PTER: variants seen among roughly 807,000 people sequenced by gnomAD.
PTER encodes N-acetyltaurine hydrolase.
A neutral mutation model predicts 29.6 loss-of-function variants in PTER; 38 were observed. The observed-to-expected ratio is 1.28, with a 90% CI of 0.99 to 1.68. The LOEUF (loss-of-function observed/expected upper bound fraction) is 1.68, where lower values mean the gene tolerates loss of function less well. PTER is among the 40% of genes most tolerant of loss of function. The pLI, the probability that PTER is intolerant of heterozygous loss-of-function variation, is 0.00. For synonymous variants in PTER, 172 were observed against 154.5 expected, an observed-to-expected ratio of 1.11 and a Z score of -0.84; for missense variants, 482 against 427.8, an observed-to-expected ratio of 1.13 and a Z score of -1.12.
chr10:16,447,314 A>G (rs1206930123), intron 1 of PTER, among the ~76,000 whole-genome samples: 1 of 151,504 alleles, frequency 6.6e-6, no homozygotes, highest in Non-Finnish European at 1.5e-5. Context: ...GCTCAGGTCA[A>G]TGTCTTGAAC....
rs11308230 is a variant in PTER, at chr10:16,466,300, CTT to C, written c.-48-18024_-48-18023del. 4.2e-3 allele frequency among the ~76,000 whole-genome samples: 607 copies of C among 146,200 alleles called. 1 individual carries two copies. The highest frequency in any genetic ancestry group is 7.8e-3 in the Admixed American group (114 of 14,662). ...TCAGACCTTTTTCTGTTATAACTAC[CTT>C]TTTTTTTTTTTTACACCAAACAGGC... is the stretch of plus-strand genomic sequence containing the variant. On this transcript the variant is annotated intron_variant, in intron 1 of 4. Coordinates refer to ENST00000535784, the MANE Select transcript of PTER (RefSeq NM_001261836.2).
chr10:16,454,768 A>C (rs1378164547), intron 1 of PTER, among the ~76,000 whole-genome samples: 2 of 152,008 alleles, frequency 1.3e-5, no homozygotes, highest in Non-Finnish European at 2.9e-5. Context: ...TTTAATCTAC[A>C]ATTATGTCTA....
intron 1 of PTER, among the ~76,000 whole-genome samples, chr10:16,478,639 TA>T (rs78771037): frequency 0.016 from 2,283 of 143,612 alleles, 35 homozygotes; most frequent in African/African-American, 0.042. Flanking sequence ...CAGCCCCATT[TA>T]AAAAAAAAAA....
At chr10:16,459,145 A>G (rs1834515592) in intron 1 of PTER, among the ~76,000 whole-genome samples, 1 of 152,176 alleles carries the variant, frequency 6.6e-6, no homozygotes, top group South Asian at 2.1e-4. Flanking sequence ...TTTGCATTCT[A>G]CAACACTTTT....
chr10:16,460,057 A>G (rs1419964108), intron 1 of PTER, among the ~76,000 whole-genome samples: 7 of 152,112 alleles, frequency 4.6e-5, no homozygotes, highest in Non-Finnish European at 8.8e-5. Flanking sequence ...CCAGGGTTAT[A>G]TTTATTACCC....
At chr10:16,446,178 T>A (rs1834004904) in intron 1 of PTER, among the ~76,000 whole-genome samples, 1 of 152,034 alleles carries the variant, frequency 6.6e-6, no homozygotes, top group Non-Finnish European at 1.5e-5. Context: ...GGGAGAAGGC[T>A]CTTACAAATA....
intron 1 of PTER, among the ~76,000 whole-genome samples, chr10:16,452,000 T>G (rs1834227020): frequency 6.6e-6 from 1 of 152,150 alleles, no homozygotes; most frequent in Non-Finnish European, 1.5e-5. Flanking sequence ...CACTAATTAC[T>G]TAATAGTTTT....
chr10:16,503,065 CTTTTT>C (rs541383811), intron 3 of PTER, among the ~76,000 whole-genome samples: 90 of 69,428 alleles, frequency 1.3e-3, no homozygotes, highest in Admixed American at 2.8e-3. Context: ...CATGATAGTG[CTTTTT>C]TTTTTTTTTT....
intron 1 of PTER, chr10:16,437,405 C>G (rs557892784): frequency 2.7e-5 from 4 of 150,806 alleles, no homozygotes; most frequent in African/African-American, 9.7e-5. Context: ...TTGGCGCGAT[C>G]ACAGCTCACT....
At chr10:16,477,589 T>A (rs115799501) in intron 1 of PTER, among the ~76,000 whole-genome samples, 2,225 of 152,288 alleles carry the variant, frequency 0.015, 52 homozygotes, top group African/African-American at 0.051. Flanking sequence ...GATGCATGGA[T>A]GCCATCTGGA....
rs775837340 is a variant in PTER, at chr10:16,456,859, A to AGGCC, written c.-49+19814_-49+19815insCCGG. On this transcript the variant is annotated intron_variant, in intron 1 of 4. Coordinates refer to ENST00000535784, the MANE Select transcript of PTER (RefSeq NM_001261836.2). ...GTGGGAGGTAACTGAACCATGGGGA[A>AGGCC]GGTGGGGGGGGGTTCCGCCATGCTG... Among the ~76,000 whole-genome samples, 283 of 56,142 alleles carry AGGCC rather than the reference A, an allele frequency of 5.0e-3. 2 individuals carry two copies. Among genetic ancestry groups the AGGCC allele is most frequent in the African/African-American group, 0.03 (271 of 8,952 alleles). The allele number at this position is 56,142 out of a possible 152,430, so 36.8% of individuals were successfully genotyped here.
chr10:16,490,886 A>G (rs1240898051), intron 3 of PTER, among the ~76,000 whole-genome samples: 2 of 151,940 alleles, frequency 1.3e-5, no homozygotes, highest in Non-Finnish European at 2.9e-5. Flanking sequence ...TTCCCTGCTC[A>G]TAAAATCAAA....
intron 3 of PTER, among the ~76,000 whole-genome samples, chr10:16,499,875 G>T (rs1836267407): frequency 1.3e-5 from 2 of 151,864 alleles, no homozygotes; most frequent in South Asian, 4.2e-4. Flanking sequence ...TTTTATGACA[G>T]CAAATTTCTC....
At chr10:16,507,991 C>G (rs1836644591) in intron 4 of PTER, among the ~76,000 whole-genome samples, 1 of 151,918 alleles carries the variant, frequency 6.6e-6, no homozygotes, top group African/African-American at 2.4e-5. Context: ...TCATTCTCAT[C>G]TTTCACAATC....
chr10:16,481,662 A>G (rs115524029), intron 1 of PTER, among the ~76,000 whole-genome samples: 2,515 of 152,218 alleles, frequency 0.017, 66 homozygotes, highest in African/African-American at 0.045. Flanking sequence ...TTTTTTTCAG[A>G]AAGACTCACA....
intron 1 of PTER, among the ~76,000 whole-genome samples, chr10:16,452,681 T>G (rs1326157293): frequency 7.9e-6 from 1 of 126,896 alleles, no homozygotes; most frequent in Non-Finnish European, 1.8e-5. Context: ...ATGATGATTC[T>G]CCTTCTCCTT....
At chr10:16,452,812 G>A (rs1428884516) in intron 1 of PTER, among the ~76,000 whole-genome samples, 2 of 151,986 alleles carry the variant, frequency 1.3e-5, no homozygotes, top group African/African-American at 4.8e-5. Flanking sequence ...GAGTGCAGTG[G>A]CATGATCTTG....
At chr10:16,509,889 A>C (rs1397064795) in intron 4 of PTER, among the ~76,000 whole-genome samples, 1 of 152,090 alleles carries the variant, frequency 6.6e-6, no homozygotes, top group East Asian at 1.9e-4. Context: ...ATTTTAAAAT[A>C]TGTGTTCTCA....
chr10:16,446,272 G>A (rs1463609017), intron 1 of PTER, among the ~76,000 whole-genome samples: 4 of 151,006 alleles, frequency 2.6e-5, no homozygotes, highest in Non-Finnish European at 5.9e-5. Context: ...CTGGAGTGTA[G>A]CAGTGTGATC....
Sources: allele counts gnomAD v4.1 joint callset (sites outside exome capture counted in the v4.1 genomes callset), GRCh38; gene constraint gnomAD v4.1.1; transcripts MANE v1.5; gene names NCBI Gene and HGNC (gene_info 2026-07-23, HGNC 2026-07-21).